The following ARTN variants were observed in gnomAD, a reference collection of about 807,000 sequenced individuals.
The protein encoded by ARTN is neublastin.
In ARTN, 9 loss-of-function variants were observed where a neutral mutation model predicts 15.4. The observed-to-expected ratio is 0.58, with a 90% CI of 0.35 to 1.02. ARTN has a LOEUF of 1.02. ARTN is among the 50% of genes least tolerant of loss of function. The probability of loss-of-function intolerance (pLI) is 0.02; values close to 1 mark genes in which losing one functional copy is unlikely to be tolerated. For missense variants in ARTN, 284 were observed against 327.9 expected, an observed-to-expected ratio of 0.87 and a Z score of 1.03; for synonymous variants, 163 against 155.8, an observed-to-expected ratio of 1.05 and a Z score of -0.35.
Position 43,936,378 on chromosome 1 carries a change from G to T in ARTN, c.276G>T (p.Pro92=). The change falls in exon 5 of 5, where the codon CCG becomes CCT. Residue 92 remains proline, a synonymous_variant. Coordinates refer to ENST00000372359, the MANE Select transcript of ARTN (RefSeq NM_057091.3). The surrounding 1 kb of genome is among the most constrained non-coding windows in gnomAD (Gnocchi z 6.6). ...PPQPSRPAPP[P]PAPPSALPRG... is the part of the protein sequence containing the mutation. ...AGCCTTCTCGGCCCGCGCCCCCGCC[G>T]CCTGCACCCCCATCTGCTCTTCCCC... The T allele has an allele frequency of 7.8e-7, 1 of 1,284,520 alleles. No homozygotes were observed. Among genetic ancestry groups the T allele is most frequent in the Non-Finnish European group, 9.8e-7 (1 of 1,020,946 alleles). 79.6% of individuals were successfully genotyped at this position (1,284,520 alleles called of 1,614,324 possible).
rs1309221998 is a variant in ARTN, at chr1:43,936,028, T to G, written c.61-65T>G. ...CGAGGACAGCCCCTCCTTGAGGTCC[T>G]TCCTCCCCAAGCCCACCTGGGTGCC... On this transcript the variant is annotated intron_variant, in intron 3 of 4. Transcript: ENST00000372359. The surrounding 1 kb of genome is among the most constrained non-coding windows in gnomAD (Gnocchi z 6.6). 1.9e-6 allele frequency: 3 copies of G among 1,610,942 alleles called. No homozygotes were observed. The highest frequency in any genetic ancestry group is 2.5e-6 in the Non-Finnish European group (3 of 1,177,732).
chr1:43,934,643 G>C (rs1162758313), intron 2 of ARTN: 1 of 152,614 alleles, frequency 6.6e-6, no homozygotes, highest in African/African-American at 2.4e-5. Flanking sequence ...CCCCAAAAGG[G>C]TGTTTGGGAG....
intron 3 of ARTN, 174 bp from the exon 4 acceptor site, chr1:43,935,919 G>A: frequency 1.0e-6 from 1 of 994,388 alleles, no homozygotes; most frequent in Non-Finnish European, 1.5e-6. Flanking sequence ...CCCAGAGGCA[G>A]CAAACCCATT....
rs969362504 is a variant in ARTN at position 43,936,972 on chromosome 1, C to A, written c.*207C>A. The A allele has an allele frequency of 2.0e-5, 13 of 664,602 alleles. No homozygotes were observed. The highest frequency in any genetic ancestry group is 2.6e-5 in the Non-Finnish European group (12 of 466,948). 41.2% of individuals were successfully genotyped at this position (664,602 alleles called of 1,614,324 possible). On this transcript the variant is annotated 3_prime_UTR_variant, in exon 5 of 5. Transcript: ENST00000372359. This position sits in a 1 kb window ranked among gnomAD's most constrained non-coding sequence, Gnocchi z 6.6. ...GCCCCAGAGCCCTCACCCTGCGGAT[C>A]CCAGCCTAAAAGACACCAGAGACCT...
In ARTN at chr1:43,935,690, T is replaced by C. The variant is rs781216193; in HGVS notation, c.34T>C (p.Ser12Pro). ...TGGACTTGGAGGCCTCTCCACGCTG[T>C]CCCACTGCCCCTGGCCTAGGCAGCA... is the stretch of plus-strand genomic sequence containing the variant. The part of the protein sequence containing the change: ...ELGLGGLSTL[S>P]HCPWPRQQPA... The change falls in exon 3 of 5, where the codon TCC becomes CCC. Residue 12 changes from serine (S) to proline (P), a missense_variant. Transcript: ENST00000372359. The C allele has an allele frequency of 1.9e-6, 3 of 1,613,452 alleles. No individual in the cohort carries two copies. The South Asian group carries it at 3.3e-5, about 18-fold the overall frequency.
In ARTN at chr1:43,936,190, G is replaced by GC. The variant is rs1311542907; in HGVS notation, c.164dup (p.Pro56AlafsTer193). 17 of 1,516,824 alleles carry GC rather than the reference G, an allele frequency of 1.1e-5. No individual in the cohort carries two copies. The highest frequency in any genetic ancestry group is 1.5e-5 in the Non-Finnish European group (17 of 1,137,686). The allele number at this position is 1,516,824 out of a possible 1,614,324, so 94.0% of individuals were successfully genotyped here. A position where few individuals can be genotyped will look rare whatever the true frequency, so the allele number is the denominator to read the frequency against. ...CCCCGCAGCCCTGCCCCCCGCGAAG[G>GC]CCCCCCGCCTGTCCTGGCGTCCCCC... is the stretch of plus-strand genomic sequence containing the variant. On this transcript the variant is annotated frameshift_variant, in exon 4 of 5. Transcript: ENST00000372359. LOFTEE classifies it high-confidence loss of function. The surrounding 1 kb of genome is among the most constrained non-coding windows in gnomAD (Gnocchi z 6.6).
chr1:43,935,809 G>A, intron 3 of ARTN, 93 bp downstream of exon 3: 1 of 1,279,632 alleles, frequency 7.8e-7, no homozygotes, highest in Non-Finnish European at 1.1e-6. Flanking sequence ...CAGCGGTTAG[G>A]TGTGGGAGGG....
At chr1:43,935,559 A>C (rs2154301636) in intron 2 of ARTN, 31 bp from the exon 3 acceptor site, 1 of 1,325,098 alleles carries the variant, frequency 7.5e-7, no homozygotes, top group South Asian at 1.3e-5. Context: ...CCGGTCCCCC[A>C]CAAAAGATAA....
Position 43,936,576 on chromosome 1 carries a change from C to G in ARTN, c.474C>G (p.Arg158=). The change falls in exon 5 of 5, where the codon CGC becomes CGG. Residue 158 remains arginine (R), a synonymous_variant. Transcript: ENST00000372359. This position sits in a 1 kb window ranked among gnomAD's most constrained non-coding sequence, Gnocchi z 6.6. Reference sequence around the variant, plus strand: ...GCAGCGGCTCCTGCCGCCGCGCGCGCTCTCCACACGACCTCAGCCTGGCCA... The same window carrying G: ...GCAGCGGCTCCTGCCGCCGCGCGCGGTCTCCACACGACCTCAGCCTGGCCA... ...RFCSGSCRRA[R]SPHDLSLASL... 1 of 1,567,936 alleles carries G rather than the reference C, an allele frequency of 6.4e-7. No individual in the cohort carries two copies. The highest frequency in any genetic ancestry group is 8.6e-7 in the Non-Finnish European group (1 of 1,161,062).
intron 1 of ARTN, 51 bp downstream of exon 1, chr1:43,933,936 T>C (rs1548634): frequency 0.17 from 25,556 of 152,158 alleles, 2,705 homozygotes; most frequent in African/African-American, 0.29. Flanking sequence ...ATGGACGCTC[T>C]TGGGCTGGGG....
chr1:43,936,616 G>A lies in ARTN; in HGVS notation c.514G>A (p.Gly172Arg), dbSNP rs2085100981. ...DLSLASLLGA[G>R]ALRPPPGSRP... ...CAGCCTGGCCAGCCTACTGGGCGCC[G>A]GGGCCCTGCGACCGCCCCCGGGCTC... The change falls in exon 5 of 5, where the codon GGG becomes AGG. Residue 172 changes from glycine to arginine, a missense_variant. Coordinates refer to ENST00000372359, the MANE Select transcript of ARTN (RefSeq NM_057091.3). The surrounding 1 kb of genome is among the most constrained non-coding windows in gnomAD (Gnocchi z 6.6). 4 of 1,592,060 alleles carry A rather than the reference G, an allele frequency of 2.5e-6. No individual in the cohort carries two copies. The highest frequency in any genetic ancestry group is 2.3e-5 in the East Asian group (1 of 43,260).
rs774718000 is a variant in ARTN, at chr1:43,936,044, C to T, written c.61-49C>T. The T allele has an allele frequency of 3.1e-6, 5 of 1,613,476 alleles. No homozygotes were observed. Among genetic ancestry groups the T allele is most frequent in the Admixed American group, 1.7e-5 (1 of 59,962 alleles). On this transcript the variant is annotated intron_variant, in intron 3 of 4. Transcript: ENST00000372359. The surrounding 1 kb of genome is among the most constrained non-coding windows in gnomAD (Gnocchi z 6.6). ...TTGAGGTCCTTCCTCCCCAAGCCCA[C>T]CTGGGTGCCCTCTTTCTCCCTGAGG...
At chr1:43,935,550 C>T (rs779816222) in intron 2 of ARTN, 40 bp from the exon 3 acceptor site, 27 of 1,194,656 alleles carry the variant, frequency 2.3e-5, no homozygotes, top group African/African-American at 7.7e-5. Context: ...GGTGGCAGGC[C>T]GGTCCCCCAC....
chr1:43,936,059 T>C lies in ARTN; in HGVS notation c.61-34T>C, dbSNP rs2085088893. 1.2e-6 allele frequency: 2 copies of C among 1,613,312 alleles called. No individual in the cohort carries two copies. Among genetic ancestry groups the C allele is most frequent in the South Asian group, 2.2e-5 (2 of 90,978 alleles). Reference sequence around the variant, plus strand: ...CCCAAGCCCACCTGGGTGCCCTCTTTCTCCCTGAGGCTCCACTTGGTCTCT... The same window carrying C: ...CCCAAGCCCACCTGGGTGCCCTCTTCCTCCCTGAGGCTCCACTTGGTCTCT... On this transcript the variant is annotated intron_variant, in intron 3 of 4. Coordinates refer to ENST00000372359, the MANE Select transcript of ARTN (RefSeq NM_057091.3). The surrounding 1 kb of genome is among the most constrained non-coding windows in gnomAD (Gnocchi z 6.6).
chr1:43,935,577 C>G lies in ARTN; in HGVS notation c.-67-13C>G. On this transcript the variant is annotated splice_polypyrimidine_tract_variant and intron_variant, in intron 2 of 4. Transcript: ENST00000372359. ...GTCCCCCACAAAAGATAACTCATCT[C>G]TTAATTTGCAAGCTGCCTCAACAGG... is the stretch of plus-strand genomic sequence containing the variant. 1 of 1,473,228 alleles carries G rather than the reference C, an allele frequency of 6.8e-7. No individual in the cohort carries two copies. Among genetic ancestry groups the G allele is most frequent in the Non-Finnish European group, 9.3e-7 (1 of 1,075,170 alleles). 91.3% of individuals were successfully genotyped at this position (1,473,228 alleles called of 1,614,324 possible).
Position 43,936,384 on chromosome 1 carries a change from A to ACCC in ARTN, c.285_287dup (p.Pro96dup). 1 of 1,275,790 alleles carries ACCC rather than the reference A, an allele frequency of 7.8e-7. No homozygotes were observed. The allele number at this position is 1,275,790 out of a possible 1,614,324, so 79.0% of individuals were successfully genotyped here. A position where few individuals can be genotyped will look rare whatever the true frequency, so the allele number is the denominator to read the frequency against. On this transcript the variant is annotated inframe_insertion, in exon 5 of 5. Coordinates refer to ENST00000372359, the MANE Select transcript of ARTN (RefSeq NM_057091.3). This position sits in a 1 kb window ranked among gnomAD's most constrained non-coding sequence, Gnocchi z 6.6. ...CTCGGCCCGCGCCCCCGCCGCCTGC[A>ACCC]CCCCCATCTGCTCTTCCCCGCGGGG...
At position 43,935,690 on chromosome 1, in the gene ARTN, TC is replaced by T. The variant is rs745928225; in HGVS notation, c.37del (p.His13ThrfsTer21). ...ELGLGGLSTL[S>X]HCPWPRQQPA... ...TGGACTTGGAGGCCTCTCCACGCTG[TC>T]CCACTGCCCCTGGCCTAGGCAGCAG... is the stretch of plus-strand genomic sequence containing the variant. On this transcript the variant is annotated frameshift_variant, in exon 3 of 5. Coordinates refer to ENST00000372359, the MANE Select transcript of ARTN (RefSeq NM_057091.3). LOFTEE classifies it high-confidence loss of function. 5 of 1,613,452 alleles carry T rather than the reference TC, an allele frequency of 3.1e-6. No individual in the cohort carries two copies. The highest frequency in any genetic ancestry group is 4.2e-6 in the Non-Finnish European group (5 of 1,179,700).
chr1:43,936,955 G>A lies in ARTN; in HGVS notation c.*190G>A, dbSNP rs1036942600. The A allele has an allele frequency of 2.5e-6, 2 of 795,012 alleles. No homozygotes were observed. The highest frequency in any genetic ancestry group is 3.4e-6 in the Non-Finnish European group (2 of 583,614). The allele number at this position is 795,012 out of a possible 1,614,324, so 49.2% of individuals were successfully genotyped here. A position where few individuals can be genotyped will look rare whatever the true frequency, so the allele number is the denominator to read the frequency against. On this transcript the variant is annotated 3_prime_UTR_variant, in exon 5 of 5. Transcript: ENST00000372359. The surrounding 1 kb of genome is among the most constrained non-coding windows in gnomAD (Gnocchi z 6.6). ...GGGACAACTGACTAGCAGCCCCAGAGCCCTCACCCTGCGGATCCCAGCCTA... is the reference window on the plus strand; with the variant it reads ...GGGACAACTGACTAGCAGCCCCAGAACCCTCACCCTGCGGATCCCAGCCTA...
rs1278686724 is a variant in ARTN, at chr1:43,936,925, G to A, written c.*160G>A. 5 of 1,049,540 alleles carry A rather than the reference G, an allele frequency of 4.8e-6. No individual in the cohort carries two copies. Among genetic ancestry groups the A allele is most frequent in the Non-Finnish European group, 6.2e-6 (5 of 808,880 alleles). 65.0% of individuals were successfully genotyped at this position (1,049,540 alleles called of 1,614,324 possible). ...GGTGATGGATATCATCCCCGAACAG[G>A]TGAAGGGACAACTGACTAGCAGCCC... On this transcript the variant is annotated 3_prime_UTR_variant, in exon 5 of 5. Transcript: ENST00000372359. This position sits in a 1 kb window ranked among gnomAD's most constrained non-coding sequence, Gnocchi z 6.6.
Sources: allele counts gnomAD v4.1 joint callset, GRCh38; gene constraint gnomAD v4.1.1; non-coding constraint Gnocchi (gnomAD v3.1); transcripts MANE v1.5; gene names NCBI Gene and HGNC (gene_info 2026-07-23, HGNC 2026-07-21).